The following SHROOM4 variants were observed in gnomAD, a reference collection of about 807,000 sequenced individuals.
SHROOM4 encodes shroom family member 4.
In SHROOM4, 17 loss-of-function variants were observed where a neutral mutation model predicts 80.3. That is an observed-to-expected ratio of 0.21 (90% CI 0.14 to 0.32). The LOEUF is 0.32. Among genes scored for constraint, SHROOM4 ranks in the 10% least tolerant of loss-of-function variants. The pLI is 1.00. For missense variants in SHROOM4, 993 were observed against 1,140.3 expected (o/e 0.87, Z 1.86); for synonymous variants, 400 against 437.5 (o/e 0.91, Z 1.07).
At chrX:50,734,800 T>C (rs1557266563) in intron 1 of SHROOM4, among the ~76,000 whole-genome samples, 2 of 111,172 alleles carry the variant, frequency 1.8e-5, no homozygotes, top group East Asian at 2.8e-4. Flanking sequence ...ATGGGGGCAG[T>C]TTCCCCCATA....
rs1295403543 is a variant in SHROOM4 at position 50,813,826 on chromosome X, C to A, written c.117+76G>T. The A allele has an allele frequency of 1.1e-5, 9 of 811,758 alleles. No individual in the cohort carries two copies. In the East Asian group the frequency reaches 2.6e-4, roughly 24 times the overall value. 66.9% of individuals were successfully genotyped at this position (811,758 alleles called of 1,213,427 possible). On this transcript the variant is annotated intron_variant, in intron 1 of 8. Transcript: ENST00000376020. Reference sequence around the variant, plus strand: ...AGTTTCAAAGTTGGCCTGAGGGCCCCGTCCAGCGGCAGCCTTCGCACCCGC... The same window carrying A: ...AGTTTCAAAGTTGGCCTGAGGGCCCAGTCCAGCGGCAGCCTTCGCACCCGC...
At chrX:50,802,733 C>T (rs73199935) in intron 1 of SHROOM4, among the ~76,000 whole-genome samples, 27,310 of 110,671 alleles carry the variant, frequency 0.25, 3,007 homozygotes, top group Non-Finnish European at 0.34. Context: ...TGACCATAGA[C>T]TAGGTGCCTT....
At chrX:50,597,427 T>C (rs782111207) in intron 8 of SHROOM4, among the ~76,000 whole-genome samples, 1 of 111,659 alleles carries the variant, frequency 9.0e-6, no homozygotes, top group Non-Finnish European at 1.9e-5. Context: ...GATTCAAAGG[T>C]ATATCCAAAG....
At chrX:50,735,783 G>A (rs1356404098) in intron 1 of SHROOM4, among the ~76,000 whole-genome samples, 2 of 111,266 alleles carry the variant, frequency 1.8e-5, no homozygotes, top group Admixed American at 9.5e-5. Flanking sequence ...TGAGGTGGGC[G>A]GATCACGAGG....
intron 2 of SHROOM4, among the ~76,000 whole-genome samples, chrX:50,667,700 G>T (rs1257806190): frequency 8.9e-6 from 1 of 112,070 alleles, no homozygotes; most frequent in Non-Finnish European, 1.9e-5. Flanking sequence ...TTAGAAGGGT[G>T]TTAATGTAAT....
intron 1 of SHROOM4, among the ~76,000 whole-genome samples, chrX:50,728,922 T>A (rs1247731062): frequency 1.9e-5 from 2 of 107,625 alleles, no homozygotes; most frequent in Admixed American, 2.0e-4. Context: ...GGAATGGATA[T>A]TAGAGGCTGC....
intron 2 of SHROOM4, among the ~76,000 whole-genome samples, chrX:50,680,829 C>A (rs1426208787): frequency 1.8e-5 from 2 of 111,176 alleles, no homozygotes; most frequent in Non-Finnish European, 3.8e-5. Context: ...TGTAGCTGTC[C>A]AATAGACATG....
intron 1 of SHROOM4, among the ~76,000 whole-genome samples, chrX:50,716,651 C>T (rs1933961560): frequency 8.9e-6 from 1 of 111,828 alleles, no homozygotes; most frequent in East Asian, 2.8e-4. Context: ...GAGCAATTAA[C>T]TGAGTGTCCA....
chrX:50,672,165 C>T (rs1056569459), intron 2 of SHROOM4, among the ~76,000 whole-genome samples: 1 of 111,771 alleles, frequency 8.9e-6, no homozygotes, highest in Non-Finnish European at 1.9e-5. Context: ...GTGCCCCAAA[C>T]AATTACAATA....
intron 4 of SHROOM4, 104 bp from the exon 5 acceptor site, chrX:50,627,779 C>G: frequency 3.0e-6 from 2 of 667,002 alleles, no homozygotes; most frequent in Non-Finnish European, 2.4e-6. Flanking sequence ...GCCCAGCCCC[C>G]CAGCTTGTTT....
In SHROOM4 at chrX:50,595,560, C is replaced by A; in HGVS notation, c.*1135G>T. On this transcript the variant is annotated 3_prime_UTR_variant, in exon 9 of 9. Coordinates refer to ENST00000376020, the MANE Select transcript of SHROOM4 (RefSeq NM_020717.5). Reference sequence around the variant, plus strand: ...AAAACTTAAACCCTGCTGGGGAATGCTAAACTCAAGTCACTTAGACTTTAA... The same window carrying A: ...AAAACTTAAACCCTGCTGGGGAATGATAAACTCAAGTCACTTAGACTTTAA... 4.9e-6 allele frequency: 1 copy of A among 203,157 alleles called. No homozygotes were observed. Among genetic ancestry groups the A allele is most frequent in the Non-Finnish European group, 9.2e-6 (1 of 109,198 alleles). The allele number at this position is 203,157 out of a possible 1,213,427, so 16.7% of individuals were successfully genotyped here. A position where few individuals can be genotyped will look rare whatever the true frequency, so the allele number is the denominator to read the frequency against.
At chrX:50,743,447 G>T (rs1270177782) in intron 1 of SHROOM4, among the ~76,000 whole-genome samples, 2 of 110,447 alleles carry the variant, frequency 1.8e-5, no homozygotes, top group African/African-American at 6.6e-5. Flanking sequence ...CAGCTTGAAG[G>T]ATTTCTTTTT....
intron 6 of SHROOM4, among the ~76,000 whole-genome samples, chrX:50,605,742 T>C (rs1266995608): frequency 8.9e-6 from 1 of 112,619 alleles, no homozygotes; most frequent in Non-Finnish European, 1.9e-5. Context: ...GAATGTTTGC[T>C]GTGTAACTTG....
At chrX:50,749,019 C>G (rs782048843) in intron 1 of SHROOM4, among the ~76,000 whole-genome samples, 3 of 111,513 alleles carry the variant, frequency 2.7e-5, no homozygotes, top group Non-Finnish European at 3.8e-5. Context: ...AAGACCAGCC[C>G]GGGCAACATG....
chrX:50,592,010 C>T lies in SHROOM4; in HGVS notation c.*4685G>A, dbSNP rs1335681508. 9.2e-6 allele frequency: 3 copies of T among 327,668 alleles called. No individual in the cohort carries two copies. The highest frequency in any genetic ancestry group is 8.0e-5 in the African/African-American group (3 of 37,610). The allele number at this position is 327,668 out of a possible 1,213,427, so 27.0% of individuals were successfully genotyped here. A position where few individuals can be genotyped will look rare whatever the true frequency, so the allele number is the denominator to read the frequency against. ...GGGATTTCAGGCGTGAGCCACCATG[C>T]CCGGCCGGAACTGTTTTCTTAATAA... On this transcript the variant is annotated 3_prime_UTR_variant, in exon 9 of 9. Coordinates refer to ENST00000376020, the MANE Select transcript of SHROOM4 (RefSeq NM_020717.5).
At chrX:50,728,763 A>C (rs1192273373) in intron 1 of SHROOM4, among the ~76,000 whole-genome samples, 3 of 112,409 alleles carry the variant, frequency 2.7e-5, no homozygotes, top group African/African-American at 9.7e-5. Flanking sequence ...TGTGAAAACA[A>C]ACTCAAAGCT....
intron 2 of SHROOM4, among the ~76,000 whole-genome samples, chrX:50,654,946 C>T (rs1230240381): frequency 9.8e-6 from 1 of 102,440 alleles, no homozygotes; most frequent in Non-Finnish European, 2.0e-5. Context: ...GTCCTTCCCT[C>T]CCCTATCTAG....
intron 2 of SHROOM4, among the ~76,000 whole-genome samples, chrX:50,662,420 G>A (rs1932540286): frequency 9.1e-6 from 1 of 110,227 alleles, no homozygotes; most frequent in Non-Finnish European, 1.9e-5. Flanking sequence ...AGAATCACGT[G>A]AACCTGGGAG....
At chrX:50,813,181 C>CA (rs1936383746) in intron 1 of SHROOM4, among the ~76,000 whole-genome samples, 1 of 110,126 alleles carries the variant, frequency 9.1e-6, no homozygotes, top group African/African-American at 3.3e-5. Context: ...GCGGCGGCGG[C>CA]GGCGGCAGCG....
Sources: allele counts gnomAD v4.1 joint callset (sites outside exome capture counted in the v4.1 genomes callset), GRCh38; gene constraint gnomAD v4.1.1; transcripts MANE v1.5; gene names NCBI Gene and HGNC (gene_info 2026-07-23, HGNC 2026-07-21).